Variants in NME7 observed in about 807,000 individuals in gnomAD.
NME7 encodes NME/NM23 family member 7.
A neutral mutation model predicts 49.1 loss-of-function variants in NME7; 41 were observed. The observed-to-expected ratio is 0.83, with a 90% CI of 0.65 to 1.08. The LOEUF is 1.08. Among genes scored for constraint, NME7 ranks in the 50% least tolerant of loss-of-function variants. NME7 has a pLI of 0.00. For synonymous variants in NME7, 139 were observed against 150.6 expected (o/e 0.92, Z 0.56); for missense variants, 423 against 463.4 (o/e 0.91, Z 0.80).
chr1:169,306,174 T>C (rs1024934886), intron 4 of NME7, among the ~76,000 whole-genome samples: 8 of 152,158 alleles, frequency 5.3e-5, no homozygotes, highest in Admixed American at 2.6e-4. Context: ...GCTATTACAG[T>C]AGGTGAGTAC....
At chr1:169,143,004 A>T (rs1261138584) in intron 11 of NME7, among the ~76,000 whole-genome samples, 3 of 152,198 alleles carry the variant, frequency 2.0e-5, no homozygotes, top group Non-Finnish European at 4.4e-5. Flanking sequence ...TTATGAATTT[A>T]TAACAACCCA....
At chr1:169,365,664 A>G (rs1653825203) in intron 1 of NME7, among the ~76,000 whole-genome samples, 1 of 152,218 alleles carries the variant, frequency 6.6e-6, no homozygotes, top group South Asian at 2.1e-4. Context: ...TGTAGGAAAT[A>G]GGGAATCTAG....
intron 1 of NME7, among the ~76,000 whole-genome samples, chr1:169,331,082 T>C (rs569663361): frequency 6.6e-6 from 1 of 152,268 alleles, no homozygotes; most frequent in South Asian, 2.1e-4. Flanking sequence ...ACTAGCAAAC[T>C]GAATTCAGCA....
chr1:169,305,913 T>C (rs980349389), intron 4 of NME7, among the ~76,000 whole-genome samples: 3 of 152,162 alleles, frequency 2.0e-5, no homozygotes, highest in Admixed American at 1.3e-4. Flanking sequence ...AGCTTATAAA[T>C]TGGATGAAAT....
chr1:169,222,635 C>CAG (rs2101808110), intron 10 of NME7, among the ~76,000 whole-genome samples: 1 of 152,232 alleles, frequency 6.6e-6, no homozygotes, highest in East Asian at 1.9e-4. Flanking sequence ...GCTGAGACCT[C>CAG]AGGACTATGG....
intron 7 of NME7, among the ~76,000 whole-genome samples, chr1:169,253,080 T>C (rs143330692): frequency 0.24 from 37,086 of 151,894 alleles, 5,487 homozygotes; most frequent in Non-Finnish European, 0.34. Context: ...TTAAAGTAGA[T>C]TTTTCCAATT....
At chr1:169,347,713 G>C (rs1342623877) in intron 1 of NME7, among the ~76,000 whole-genome samples, 2 of 152,074 alleles carry the variant, frequency 1.3e-5, no homozygotes, top group Non-Finnish European at 2.9e-5. Flanking sequence ...AGTCCATCTA[G>C]TACTCCTGTG....
At chr1:169,348,246 C>T (rs555044223) in intron 1 of NME7, among the ~76,000 whole-genome samples, 1 of 151,894 alleles carries the variant, frequency 6.6e-6, no homozygotes, top group African/African-American at 2.4e-5. Context: ...CTTTGGAATG[C>T]ATTTGCCTAT....
intron 11 of NME7, among the ~76,000 whole-genome samples, chr1:169,152,631 A>C (rs906033864): frequency 6.6e-6 from 1 of 152,202 alleles, no homozygotes; most frequent in Non-Finnish European, 1.5e-5. Context: ...AGGACAGGGG[A>C]GGAGACAGAT....
intron 11 of NME7, among the ~76,000 whole-genome samples, chr1:169,157,708 T>C (rs1057180394): frequency 3.3e-5 from 5 of 152,196 alleles, no homozygotes; most frequent in Non-Finnish European, 5.9e-5. Flanking sequence ...AGAGAGGCTA[T>C]TGATCCTTTC....
At chr1:169,162,387 A>C (rs1010716759) in intron 11 of NME7, among the ~76,000 whole-genome samples, 1 of 151,846 alleles carries the variant, frequency 6.6e-6, no homozygotes, top group Non-Finnish European at 1.5e-5. Context: ...ACCAAGTTAC[A>C]GAACATTTAG....
At chr1:169,282,404 C>T (rs1281337613) in intron 7 of NME7, among the ~76,000 whole-genome samples, 5 of 151,890 alleles carry the variant, frequency 3.3e-5, no homozygotes, top group African/African-American at 9.7e-5. Flanking sequence ...AACCAGTTCA[C>T]GGATTCATTG....
chr1:169,145,618 G>A (rs904831304), intron 11 of NME7, among the ~76,000 whole-genome samples: 6 of 152,132 alleles, frequency 3.9e-5, no homozygotes, highest in Admixed American at 6.5e-5. Context: ...TCAGACCATA[G>A]TGGTAATGAC....
chr1:169,197,967 T>C (rs1660435493), intron 10 of NME7, among the ~76,000 whole-genome samples: 1 of 152,110 alleles, frequency 6.6e-6, no homozygotes, highest in South Asian at 2.1e-4. Context: ...ATTATATCTC[T>C]GATAAGGGAC....
chr1:169,319,620 C>T (rs1651779317), intron 3 of NME7, among the ~76,000 whole-genome samples: 1 of 152,108 alleles, frequency 6.6e-6, no homozygotes, highest in African/African-American at 2.4e-5. Flanking sequence ...TGAGTTCCTG[C>T]TGTGATGGAG....
intron 1 of NME7, 51 bp downstream of exon 1, chr1:169,367,657 C>G (rs1653932656): frequency 6.2e-7 from 1 of 1,612,952 alleles, no homozygotes; most frequent in Non-Finnish European, 8.5e-7. Context: ...ACTTGGAAAG[C>G]TAAGTAAGTA....
chr1:169,175,925 A>C (rs964373744), intron 10 of NME7, among the ~76,000 whole-genome samples: 1 of 152,172 alleles, frequency 6.6e-6, no homozygotes, highest in Non-Finnish European at 1.5e-5. Flanking sequence ...AATGCCAGTG[A>C]GGGGACCACT....
intron 10 of NME7, among the ~76,000 whole-genome samples, chr1:169,218,811 T>C (rs1017176970): frequency 6.6e-6 from 1 of 152,070 alleles, no homozygotes; most frequent in Middle Eastern, 3.4e-3. Context: ...GTGTTTATCA[T>C]TAATTCCACT....
intron 7 of NME7, among the ~76,000 whole-genome samples, chr1:169,238,645 G>C (rs916642601): frequency 1.3e-5 from 2 of 151,900 alleles, no homozygotes; most frequent in African/African-American, 4.8e-5. Flanking sequence ...AGCAGGCTGA[G>C]GGGTGAGAAA....
Sources: allele counts gnomAD v4.1 joint callset (sites outside exome capture counted in the v4.1 genomes callset), GRCh38; gene constraint gnomAD v4.1.1; transcripts MANE v1.5; gene names NCBI Gene and HGNC (gene_info 2026-07-23, HGNC 2026-07-21).